CHST9: variants seen among roughly 807,000 people sequenced by gnomAD.
The protein encoded by CHST9 is GalNAc-4-sulfotransferase 2.
In CHST9, 41 loss-of-function variants were observed where a neutral mutation model predicts 44.4. That is an observed-to-expected ratio of 0.92 (90% CI 0.72 to 1.20). The LOEUF is 1.20. Ranked by LOEUF, CHST9 falls within the 50% of genes most tolerant of loss-of-function variation. The pLI is 0.00. For synonymous variants in CHST9, 171 were observed against 178.4 expected, an observed-to-expected ratio of 0.96 and a Z score of 0.33; for missense variants, 504 against 516.5, an observed-to-expected ratio of 0.98 and a Z score of 0.23.
intron 4 of CHST9, among the ~76,000 whole-genome samples, chr18:27,016,073 G>A (rs889731587): frequency 2.0e-5 from 3 of 152,128 alleles, no homozygotes; most frequent in African/African-American, 7.2e-5. Context: ...TCCCAGCCAT[G>A]GGCTATCAGT....
intron 5 of CHST9, chr18:26,925,936 G>A (rs2055759223): frequency 6.6e-6 from 1 of 151,912 alleles, no homozygotes; most frequent in Non-Finnish European, 1.5e-5. Context: ...ATGTAGCAAA[G>A]TTAAATGTTC....
intron 2 of CHST9, among the ~76,000 whole-genome samples, chr18:27,126,947 T>A (rs527955181): frequency 7.9e-5 from 12 of 152,242 alleles, no homozygotes; most frequent in African/African-American, 2.4e-4. Context: ...CTGGATAACA[T>A]GTAGGTGCAG....
chr18:27,095,476 C>T (rs936887519), intron 2 of CHST9, among the ~76,000 whole-genome samples: 18 of 152,086 alleles, frequency 1.2e-4, no homozygotes, highest in African/African-American at 3.4e-4. Context: ...AAATGCTCCA[C>T]TTAAAAGGCA....
intron 4 of CHST9, among the ~76,000 whole-genome samples, chr18:26,945,244 A>G (rs904617170): frequency 2.0e-5 from 3 of 152,222 alleles, no homozygotes; most frequent in African/African-American, 7.2e-5. Context: ...AGTCACATGT[A>G]GTTGTAAGAA....
chr18:27,048,909 A>C (rs1298166739), intron 2 of CHST9, among the ~76,000 whole-genome samples: 1 of 152,114 alleles, frequency 6.6e-6, no homozygotes. Context: ...ATAGTGTAGA[A>C]TGTTTAAAGA....
intron 1 of CHST9, among the ~76,000 whole-genome samples, chr18:27,180,259 G>A (rs1020462992): frequency 2.6e-5 from 4 of 152,006 alleles, no homozygotes; most frequent in Non-Finnish European, 4.4e-5. Flanking sequence ...TCATACAAGC[G>A]CTGACTTTAC....
At chr18:26,981,590 A>AT (rs1205468103) in intron 4 of CHST9, among the ~76,000 whole-genome samples, 1 of 152,108 alleles carries the variant, frequency 6.6e-6, no homozygotes, top group African/African-American at 2.4e-5. Flanking sequence ...ACACGAACTC[A>AT]TTTTCCAACC....
chr18:27,010,466 T>C (rs1483041569), intron 4 of CHST9, among the ~76,000 whole-genome samples: 5 of 152,184 alleles, frequency 3.3e-5, no homozygotes, highest in Non-Finnish European at 5.9e-5. Context: ...GATCTGATGT[T>C]CCACCAGGAC....
rs1169975834 is a variant in CHST9 at position 26,991,721 on chromosome 18, T to G, written c.202+32395A>C. ...ACTTAGATGCCAAGCAAAGACAGTT[T>G]TCTGAGGAGGAGGGAGTGATCAACT... On this transcript the variant is annotated intron_variant, in intron 4 of 5. Transcript: ENST00000618847. 4.4e-5 allele frequency among the ~76,000 whole-genome samples: 3 copies of G among 68,290 alleles called. 1 individual carries two copies. Among genetic ancestry groups the G allele is most frequent in the Non-Finnish European group, 1.2e-4 (3 of 25,372 alleles). 44.8% of individuals were successfully genotyped at this position (68,290 alleles called of 152,430 possible).
At chr18:27,092,568 C>G (rs1251715402) in intron 2 of CHST9, among the ~76,000 whole-genome samples, 2 of 152,126 alleles carry the variant, frequency 1.3e-5, no homozygotes, top group Non-Finnish European at 2.9e-5. Context: ...TTCCTGCTTT[C>G]TCTTGTGGGC....
At chr18:27,128,209 T>A (rs1222778575) in intron 2 of CHST9, among the ~76,000 whole-genome samples, 1 of 152,208 alleles carries the variant, frequency 6.6e-6, no homozygotes, top group Non-Finnish European at 1.5e-5. Flanking sequence ...ACATTGGTTA[T>A]GAGGCTTCTT....
intron 5 of CHST9, among the ~76,000 whole-genome samples, chr18:26,928,994 G>T (rs1025415353): frequency 2.0e-5 from 3 of 152,160 alleles, no homozygotes; most frequent in Non-Finnish European, 4.4e-5. Flanking sequence ...GAACTATTTT[G>T]GAAACGTTGA....
Position 27,178,130 on chromosome 18 carries a change from T to C in CHST9, c.-97+7006A>G, listed in dbSNP as rs186365571. Among the ~76,000 whole-genome samples the C allele has an allele frequency of 3.9e-5, 6 of 152,072 alleles. No homozygotes were observed. The East Asian group carries it at 1.2e-3, about 29-fold the overall frequency. ...AGAAGCTTCCAGTAAGAATGAACAATACACAGAAAACAATCACAGATCAAA... is the reference window on the plus strand; with the variant it reads ...AGAAGCTTCCAGTAAGAATGAACAACACACAGAAAACAATCACAGATCAAA... On this transcript the variant is annotated intron_variant, in intron 1 of 5. Transcript: ENST00000618847.
intron 2 of CHST9, among the ~76,000 whole-genome samples, chr18:27,120,391 T>C (rs1567924349): frequency 6.6e-6 from 1 of 152,176 alleles, no homozygotes; most frequent in Non-Finnish European, 1.5e-5. Flanking sequence ...CTTTTACTAT[T>C]GTTTATTTTA....
At chr18:27,093,008 C>G (rs188828352) in intron 2 of CHST9, among the ~76,000 whole-genome samples, 104 of 152,188 alleles carry the variant, frequency 6.8e-4, no homozygotes, top group African/African-American at 2.4e-3. Flanking sequence ...TTGGAGTTTG[C>G]TGGAGTTCTA....
intron 1 of CHST9, among the ~76,000 whole-genome samples, chr18:27,175,096 T>C (rs1598780484): frequency 6.6e-6 from 1 of 152,252 alleles, no homozygotes; most frequent in South Asian, 2.1e-4. Flanking sequence ...AACTATTTTA[T>C]ACCTTGTTTG....
intron 2 of CHST9, among the ~76,000 whole-genome samples, chr18:27,088,806 T>C (rs1253860546): frequency 6.6e-6 from 1 of 152,124 alleles, no homozygotes; most frequent in Non-Finnish European, 1.5e-5. Flanking sequence ...GATGCACAGA[T>C]TTAGGGACAT....
intron 2 of CHST9, among the ~76,000 whole-genome samples, chr18:27,070,985 G>A (rs969863705): frequency 2.0e-5 from 3 of 152,142 alleles, no homozygotes; most frequent in Admixed American, 6.5e-5. Flanking sequence ...TGGCCTCTCC[G>A]TGGGCCTAGT....
chr18:26,941,772 G>C (rs904047024), intron 5 of CHST9, among the ~76,000 whole-genome samples: 1 of 152,186 alleles, frequency 6.6e-6, no homozygotes. Flanking sequence ...AATTTCCCCA[G>C]TGAATTGCAC....
Sources: allele counts gnomAD v4.1 joint callset (sites outside exome capture counted in the v4.1 genomes callset), GRCh38; gene constraint gnomAD v4.1.1; transcripts MANE v1.5; gene names NCBI Gene and HGNC (gene_info 2026-07-23, HGNC 2026-07-21).